CORO7: variants seen among roughly 807,000 people sequenced by gnomAD.
CORO7 encodes coronin 7, also known as coronin-7.
A neutral mutation model predicts 126.6 loss-of-function variants in CORO7; 107 were observed. That is an observed-to-expected ratio of 0.85 (90% CI 0.72 to 0.99). The LOEUF (loss-of-function observed/expected upper bound fraction) is 0.99. Among genes scored for constraint, CORO7 ranks in the 50% least tolerant of loss-of-function variants. The pLI, the probability that CORO7 is intolerant of heterozygous loss-of-function variation, is 0.00. For synonymous variants in CORO7, 603 were observed against 536.8 expected, an observed-to-expected ratio of 1.12 and a Z score of -1.70; for missense variants, 1,314 against 1,255.8, an observed-to-expected ratio of 1.05 and a Z score of -0.70.
chr16:4,374,915 T>G lies in CORO7; in HGVS notation c.786-9370A>C, dbSNP rs139170386. 4.6e-3 allele frequency among the ~76,000 whole-genome samples: 696 copies of G among 152,152 alleles called. 6 individuals carry two copies. Among genetic ancestry groups the G allele is most frequent in the African/African-American group, 0.016 (657 of 41,502 alleles). On this transcript the variant is annotated intron_variant, in intron 9 of 27. Coordinates refer to ENST00000251166, the MANE Select transcript of CORO7 (RefSeq NM_024535.5). ...TCAGGGTTAATTGCAGGTTAGGGCC[T>G]TACTAGATGGGTGCTTGCCCCTGGG...
intron 19 of CORO7, 91 bp from the exon 20 acceptor site, chr16:4,360,639 C>T (rs528095843): frequency 2.5e-5 from 36 of 1,466,024 alleles, no homozygotes; most frequent in African/African-American, 2.1e-4. Context: ...CTGCTGGCGC[C>T]GCCCCTCCTC....
intron 9 of CORO7, among the ~76,000 whole-genome samples, chr16:4,368,120 G>C (rs1322147910): frequency 6.6e-6 from 1 of 151,054 alleles, no homozygotes; most frequent in African/African-American, 2.4e-5. Context: ...GCCGAGGTGG[G>C]TGGATCACTG....
rs1044648265 is a variant in CORO7, at chr16:4,404,312, G to A, written c.564+1179C>T. Among the ~76,000 whole-genome samples the A allele has an allele frequency of 3.3e-5, 5 of 152,198 alleles. No homozygotes were observed. The East Asian group carries it at 5.8e-4, about 18-fold the overall frequency. The stretch of plus-strand genomic sequence containing the variant: ...GGGTGCCCTCATTCCCAGCAACCCC[G>A]ACAGGTCTTCAGAGACCCTTGGTGG... On this transcript the variant is annotated intron_variant, in intron 6 of 27. Coordinates refer to ENST00000251166, the MANE Select transcript of CORO7 (RefSeq NM_024535.5).
At position 4,359,284 on chromosome 16, in the gene CORO7, G is replaced by A. The variant is rs2054081280; in HGVS notation, c.2340+12C>T. 1.3e-6 allele frequency: 2 copies of A among 1,593,036 alleles called. No homozygotes were observed. The highest frequency in any genetic ancestry group is 8.5e-7 in the Non-Finnish European group (1 of 1,170,922). ...TGGTCCCATCGGGGACGAGGCGCCA[G>A]GGTGGCCTCACCTTGTGGGGGTCAG... On this transcript the variant is annotated intron_variant, in intron 23 of 27. Coordinates refer to ENST00000251166, the MANE Select transcript of CORO7 (RefSeq NM_024535.5).
In CORO7 at chr16:4,395,795, C is replaced by T. The variant is rs144243026; in HGVS notation, c.565-456G>A. 1.2e-3 allele frequency among the ~76,000 whole-genome samples: 186 copies of T among 152,358 alleles called. 1 individual carries two copies. The highest frequency in any genetic ancestry group is 4.1e-3 in the African/African-American group (172 of 41,592). ...CCTGGAGAGGCTCATATGACGACCT[C>T]ATTTCTGCACTTACAGAATTTAGCA... On this transcript the variant is annotated intron_variant, in intron 6 of 27. Transcript: ENST00000251166.
chr16:4,412,870 GA>G (rs1320271558), intron 2 of CORO7: 1 of 221,544 alleles, frequency 4.5e-6, no homozygotes, highest in Non-Finnish European at 9.0e-6. Flanking sequence ...TAGTTAGGCT[GA>G]AACATTATCC....
intron 23 of CORO7, chr16:4,358,932 A>G (rs371623179): frequency 1.6e-5 from 5 of 321,518 alleles, no homozygotes; most frequent in East Asian, 1.3e-4. Context: ...GTTTAACCTT[A>G]TCTAGTGCAA....
chr16:4,380,480 C>G (rs4598915), intron 9 of CORO7, among the ~76,000 whole-genome samples: 8,043 of 152,352 alleles, frequency 0.053, 262 homozygotes, highest in Admixed American at 0.1. Context: ...TGCCTGCCCC[C>G]TCTTCCAGAC....
chr16:4,404,247 T>C lies in CORO7; in HGVS notation c.564+1244A>G, dbSNP rs1409427494. Among the ~76,000 whole-genome samples the C allele has an allele frequency of 2.6e-5, 4 of 152,196 alleles. No individual in the cohort carries two copies. In the East Asian group the frequency reaches 5.8e-4, roughly 22 times the overall value. Reference sequence around the variant, plus strand: ...TCCCAGGCCTCTCAGCCATTCTTCATGTGTCTTCAGGCTCGGCACACCTCC... The same window carrying C: ...TCCCAGGCCTCTCAGCCATTCTTCACGTGTCTTCAGGCTCGGCACACCTCC... On this transcript the variant is annotated intron_variant, in intron 6 of 27. Transcript: ENST00000251166.
At chr16:4,413,045 C>A (rs145421358) in intron 2 of CORO7, 1 of 400,984 alleles carries the variant, frequency 2.5e-6, no homozygotes, top group South Asian at 5.1e-5. Context: ...GAAATACAAG[C>A]GTCAGTCCCC....
At chr16:4,416,350 C>T in intron 1 of CORO7, 109 bp downstream of exon 1, 2 of 1,356,302 alleles carry the variant, frequency 1.5e-6, no homozygotes, top group Middle Eastern at 2.7e-4. Context: ...GGATGGAGGT[C>T]TCGGGGTTCC....
At chr16:4,412,297 G>A in intron 3 of CORO7, 59 bp downstream of exon 3, 1 of 1,583,798 alleles carries the variant, frequency 6.3e-7, no homozygotes, top group Non-Finnish European at 8.7e-7. Flanking sequence ...ATGAATTTCT[G>A]GCCCTGGAGA....
At chr16:4,380,221 G>C (rs564907413) in intron 9 of CORO7, among the ~76,000 whole-genome samples, 1 of 152,238 alleles carries the variant, frequency 6.6e-6, no homozygotes, top group Admixed American at 6.5e-5. Flanking sequence ...CCTCACAGGG[G>C]ACACCTGCCA....
At chr16:4,359,672 T>A (rs180933172) in intron 21 of CORO7, 51 bp from the exon 22 acceptor site, 1 of 1,542,710 alleles carries the variant, frequency 6.5e-7, no homozygotes, top group South Asian at 1.3e-5. Flanking sequence ...TGAAGGGGCC[T>A]GGGGCAGGGA....
rs574299634 is a variant in CORO7, at chr16:4,355,062, C to T, written c.*96G>A. 2.7e-5 allele frequency: 37 copies of T among 1,358,398 alleles called. No individual in the cohort carries two copies. In the African/African-American group the frequency reaches 4.6e-4, roughly 17 times the overall value. The allele number at this position is 1,358,398 out of a possible 1,614,324, so 84.1% of individuals were successfully genotyped here. A position where few individuals can be genotyped will look rare whatever the true frequency, so the allele number is the denominator to read the frequency against. ...GCAGGAGTGCAGGGGTGACATGTGC[C>T]GGGGCCAGAGAGGTATCTTCCAGCT... On this transcript the variant is annotated 3_prime_UTR_variant, in exon 28 of 28. Transcript: ENST00000251166.
At chr16:4,382,611 T>G (rs1466156299) in intron 9 of CORO7, 1 of 1,587,098 alleles carries the variant, frequency 6.3e-7, no homozygotes, top group Non-Finnish European at 8.6e-7. Flanking sequence ...CGCTCCTCAT[T>G]GCGCCCGCCC....
rs773602957 is a variant in CORO7 at position 4,381,611 on chromosome 16, G to A, written c.785+6375C>T. 3.8e-5 allele frequency: 61 copies of A among 1,597,956 alleles called. No homozygotes were observed. Among genetic ancestry groups the A allele is most frequent in the African/African-American group, 3.2e-4 (24 of 74,594 alleles). ...GGCCTCCGGGGCCTGACGCGCCTGC[G>A]GCTGGCCGGCAACACCCGCATTGCC... On this transcript the variant is annotated intron_variant, in intron 9 of 27. Transcript: ENST00000251166.
At chr16:4,373,433 C>G (rs1197358249) in intron 9 of CORO7, among the ~76,000 whole-genome samples, 1 of 152,044 alleles carries the variant, frequency 6.6e-6, no homozygotes, top group Non-Finnish European at 1.5e-5. Context: ...GGGGATGGGG[C>G]TGGGGGCTGG....
In CORO7 at chr16:4,412,345, C is replaced by T; in HGVS notation, c.232+11G>A. On this transcript the variant is annotated intron_variant, in intron 3 of 27. Coordinates refer to ENST00000251166, the MANE Select transcript of CORO7 (RefSeq NM_024535.5). ...TTTCAGGCTTCACCCACTAGTCAGA[C>T]ACCCACTCACCTGAATGGCAGCCCA... The T allele has an allele frequency of 6.2e-7, 1 of 1,614,022 alleles. No individual in the cohort carries two copies. The highest frequency in any genetic ancestry group is 2.2e-5 in the East Asian group (1 of 44,876).
Sources: allele counts gnomAD v4.1 joint callset (sites outside exome capture counted in the v4.1 genomes callset), GRCh38; gene constraint gnomAD v4.1.1; transcripts MANE v1.5; gene names NCBI Gene and HGNC (gene_info 2026-07-23, HGNC 2026-07-21).